DLC1: variants seen among roughly 807,000 people sequenced by gnomAD.
DLC1 encodes DLC1 Rho GTPase activating protein.
In DLC1, 54 loss-of-function variants were observed where a neutral mutation model predicts 140.3. The ratio of observed to expected loss-of-function variants is 0.38; its 90% confidence interval spans 0.31 to 0.48. DLC1 has a LOEUF of 0.48. Ranked by LOEUF, DLC1 falls within the 20% of genes least tolerant of loss-of-function variation. DLC1 has a pLI of 0.96. For missense variants in DLC1, 2,536 were observed against 1,907.0 expected (o/e 1.33, Z -6.14); for synonymous variants, 986 against 728.1 (o/e 1.35, Z -5.70).
At chr8:13,474,185 G>C (rs918587216) in intron 2 of DLC1, among the ~76,000 whole-genome samples, 2 of 152,152 alleles carry the variant, frequency 1.3e-5, no homozygotes, top group Non-Finnish European at 2.9e-5. Context: ...GGTGGCCTGT[G>C]TCCCAGCTGC....
chr8:13,568,608 T>C (rs944888407), intron 1 of DLC1, among the ~76,000 whole-genome samples: 4 of 151,970 alleles, frequency 2.6e-5, no homozygotes, highest in African/African-American at 9.7e-5. Context: ...AGAAGCAGGG[T>C]TGATACAAAC....
chr8:13,090,006 G>A (rs1483121319), intron 15 of DLC1, among the ~76,000 whole-genome samples: 1 of 152,214 alleles, frequency 6.6e-6, no homozygotes, highest in African/African-American at 2.4e-5. Flanking sequence ...ATTCTGTAGA[G>A]CCAAAGGAGT....
intron 4 of DLC1, among the ~76,000 whole-genome samples, chr8:13,355,983 A>C (rs1834924497): frequency 6.9e-6 from 1 of 144,936 alleles, no homozygotes. Flanking sequence ...CCAGCTACTC[A>C]GGAGGCAGAG....
chr8:13,100,750 A>C lies in DLC1; in HGVS notation c.1587T>G (p.Asp529Glu). Residue 529 changes from aspartate (D) to glutamate (E), a missense_variant, in exon 9 of 18, where the codon GAT becomes GAG. Coordinates refer to ENST00000276297, the MANE Select transcript of DLC1 (RefSeq NM_182643.3). ...HRKRSDDSDE[D>E]EPCAISGKWT... ...ATTTGCCACTGATGGCACAAGGCTC[A>C]TCCTCGTCTGAATCGTCACTCTGCA... 1 of 1,577,562 alleles carries C rather than the reference A, an allele frequency of 6.3e-7. No individual in the cohort carries two copies. Among genetic ancestry groups the C allele is most frequent in the Non-Finnish European group, 8.6e-7 (1 of 1,163,052 alleles).
chr8:13,362,863 A>T (rs897173775), intron 4 of DLC1, among the ~76,000 whole-genome samples: 1 of 152,006 alleles, frequency 6.6e-6, no homozygotes, highest in Non-Finnish European at 1.5e-5. Context: ...TTCCAACCAC[A>T]TGGCTGGCTT....
At chr8:13,277,510 A>C (rs1831219387) in intron 5 of DLC1, among the ~76,000 whole-genome samples, 2 of 152,186 alleles carry the variant, frequency 1.3e-5, no homozygotes, top group Admixed American at 1.3e-4. Context: ...CCTCATTACA[A>C]TTGCACATCA....
chr8:13,130,998 A>G (rs915789356), intron 5 of DLC1, among the ~76,000 whole-genome samples: 5 of 152,224 alleles, frequency 3.3e-5, no homozygotes, highest in Admixed American at 6.5e-5. Context: ...AAATGTGAAT[A>G]CATGCAATCG....
At chr8:13,536,194 A>G (rs776520789) in intron 1 of DLC1, 1 of 152,248 alleles carries the variant, frequency 6.6e-6, no homozygotes. Flanking sequence ...ATGAATGAAG[A>G]GTGAGAGGCA....
intron 12 of DLC1, among the ~76,000 whole-genome samples, chr8:13,093,657 T>C (rs1176307203): frequency 6.6e-6 from 1 of 152,174 alleles, no homozygotes; most frequent in Middle Eastern, 3.2e-3. Context: ...AGCTCCATGG[T>C]TACAGCACAT....
intron 5 of DLC1, among the ~76,000 whole-genome samples, chr8:13,187,298 C>T (rs1033455693): frequency 6.6e-6 from 1 of 152,066 alleles, no homozygotes; most frequent in African/African-American, 2.4e-5. Context: ...ACTGATGTGT[C>T]CCTGGAGCAT....
intron 2 of DLC1, among the ~76,000 whole-genome samples, chr8:13,446,801 G>A (rs1798794148): frequency 6.6e-6 from 1 of 152,078 alleles, no homozygotes; most frequent in African/African-American, 2.4e-5. Context: ...CATTAGCCAG[G>A]CGTGGTGGTG....
At chr8:13,288,353 C>T (rs553819138) in intron 5 of DLC1, among the ~76,000 whole-genome samples, 2 of 152,298 alleles carry the variant, frequency 1.3e-5, no homozygotes, top group East Asian at 1.9e-4. Flanking sequence ...AAATTATAAT[C>T]ACTCTTTGAG....
At chr8:13,221,690 GTGTGTGTATA>G (rs1394251058) in intron 5 of DLC1, among the ~76,000 whole-genome samples, 9 of 124,234 alleles carry the variant, frequency 7.2e-5, no homozygotes, top group African/African-American at 2.8e-4. Context: ...TTGTGTGTGT[GTGTGTGTATA>G]TGTGTGTGTA....
At chr8:13,447,953 G>GT (rs1798859466) in intron 2 of DLC1, among the ~76,000 whole-genome samples, 1 of 152,142 alleles carries the variant, frequency 6.6e-6, no homozygotes, top group Non-Finnish European at 1.5e-5. Flanking sequence ...TTAGGATGGC[G>GT]TGTGTGTGAA....
chr8:13,390,627 C>T (rs1286016357), intron 4 of DLC1, among the ~76,000 whole-genome samples: 2 of 152,162 alleles, frequency 1.3e-5, no homozygotes, highest in Non-Finnish European at 2.9e-5. Context: ...GTGCAGCAAA[C>T]CACCATGGCA....
intron 5 of DLC1, among the ~76,000 whole-genome samples, chr8:13,251,591 T>G (rs1411134088): frequency 1.3e-5 from 2 of 152,188 alleles, no homozygotes; most frequent in East Asian, 3.8e-4. Context: ...TTGGATAAAT[T>G]TATCCATCTA....
chr8:13,244,351 G>A (rs571012491), intron 5 of DLC1, among the ~76,000 whole-genome samples: 71 of 149,266 alleles, frequency 4.8e-4, no homozygotes, highest in Non-Finnish European at 6.5e-4. Flanking sequence ...AGACTGGAGT[G>A]CAGTGGTGCG....
At chr8:13,447,229 G>T (rs141095724) in intron 2 of DLC1, among the ~76,000 whole-genome samples, 1 of 152,098 alleles carries the variant, frequency 6.6e-6, no homozygotes, top group African/African-American at 2.4e-5. Context: ...TACCTTGGCA[G>T]TCTACTCATT....
intron 5 of DLC1, among the ~76,000 whole-genome samples, chr8:13,193,011 C>T (rs1826851408): frequency 6.6e-6 from 1 of 152,158 alleles, no homozygotes; most frequent in Non-Finnish European, 1.5e-5. Flanking sequence ...TCTTCCTCTG[C>T]CTAAGGACTT....
Sources: gnomAD v4.1 joint callset for allele counts (sites outside exome capture counted in the v4.1 genomes callset) on GRCh38, gnomAD v4.1.1 for gene constraint, MANE v1.5 for transcripts, NCBI Gene and HGNC (gene_info 2026-07-23, HGNC 2026-07-21) for gene names.